Variants in XYLT1 observed in about 807,000 individuals in gnomAD.
XYLT1 encodes the protein xylosyltransferase 1.
In XYLT1, 36 loss-of-function variants were observed where a neutral mutation model predicts 91.3. That is an observed-to-expected ratio of 0.39 (90% CI 0.30 to 0.52). XYLT1 has a LOEUF of 0.52. Among genes scored for constraint, XYLT1 ranks in the 20% least tolerant of loss-of-function variants. XYLT1 has a pLI of 0.68. For synonymous variants in XYLT1, 588 were observed against 532.0 expected, an observed-to-expected ratio of 1.11 and a Z score of -1.45; for missense variants, 1,242 against 1,284.5, an observed-to-expected ratio of 0.97 and a Z score of 0.51.
At chr16:17,469,352 G>T (rs564570524) in intron 1 of XYLT1, among the ~76,000 whole-genome samples, 1 of 152,240 alleles carries the variant, frequency 6.6e-6, no homozygotes. Flanking sequence ...GTGTGATGAA[G>T]AAACAGACAG....
chr16:17,248,047 C>T (rs926226791), intron 3 of XYLT1, among the ~76,000 whole-genome samples: 1 of 152,162 alleles, frequency 6.6e-6, no homozygotes, highest in Admixed American at 6.5e-5. Context: ...GTGTCCCCAC[C>T]CAAATCTTAA....
intron 1 of XYLT1, among the ~76,000 whole-genome samples, chr16:17,366,556 G>A (rs116878209): frequency 0.033 from 5,056 of 152,220 alleles, 112 homozygotes; most frequent in Non-Finnish European, 0.049. Flanking sequence ...TTAGCTGGGC[G>A]TGTTGGTGCA....
intron 3 of XYLT1, among the ~76,000 whole-genome samples, chr16:17,200,869 T>C (rs577221639): frequency 2.0e-5 from 3 of 152,308 alleles, no homozygotes; most frequent in East Asian, 1.9e-4. Context: ...TGTTACGACA[T>C]AGTTTCCATT....
chr16:17,413,980 C>T (rs2036146913), intron 1 of XYLT1, among the ~76,000 whole-genome samples: 1 of 152,180 alleles, frequency 6.6e-6, no homozygotes, highest in South Asian at 2.1e-4. Context: ...GCCCAAAGCC[C>T]TCCTGAAATT....
intron 3 of XYLT1, among the ~76,000 whole-genome samples, chr16:17,221,506 T>C (rs1311005088): frequency 2.6e-5 from 4 of 152,178 alleles, no homozygotes; most frequent in South Asian, 2.1e-4. Flanking sequence ...ACACAGCTAG[T>C]GGCCAAGCTG....
intron 1 of XYLT1, among the ~76,000 whole-genome samples, chr16:17,411,301 C>T (rs2036104608): frequency 6.6e-6 from 1 of 152,090 alleles, no homozygotes; most frequent in Non-Finnish European, 1.5e-5. Flanking sequence ...ATTATAACCC[C>T]CTTCATGGTG....
chr16:17,302,452 T>A (rs576644057), intron 2 of XYLT1, among the ~76,000 whole-genome samples: 1 of 152,214 alleles, frequency 6.6e-6, no homozygotes, highest in Non-Finnish European at 1.5e-5. Flanking sequence ...TGGAGAAATT[T>A]CCATCTGAAC....
chr16:17,309,155 G>A (rs2034508657), intron 2 of XYLT1, among the ~76,000 whole-genome samples: 2 of 152,166 alleles, frequency 1.3e-5, no homozygotes, highest in African/African-American at 4.8e-5. Context: ...TGACACTGCT[G>A]ACATTTTGGG....
At chr16:17,271,248 C>T (rs17277691) in intron 2 of XYLT1, among the ~76,000 whole-genome samples, 38,951 of 151,998 alleles carry the variant, frequency 0.26, 5,317 homozygotes, top group Middle Eastern at 0.35. Flanking sequence ...TTAATTGCAG[C>T]ATTCCATTGC....
At chr16:17,120,099 C>T (rs1308950033) in intron 10 of XYLT1, among the ~76,000 whole-genome samples, 1 of 152,216 alleles carries the variant, frequency 6.6e-6, no homozygotes, top group Admixed American at 6.5e-5. Flanking sequence ...TTCTACTACC[C>T]TGTGGATCAG....
At chr16:17,389,271 G>A (rs1483760765) in intron 1 of XYLT1, among the ~76,000 whole-genome samples, 1 of 152,096 alleles carries the variant, frequency 6.6e-6, no homozygotes, top group Non-Finnish European at 1.5e-5. Context: ...TTAGAGATAG[G>A]GTTTCACCCT....
At chr16:17,211,091 A>C (rs1318448801) in intron 3 of XYLT1, among the ~76,000 whole-genome samples, 2 of 152,238 alleles carry the variant, frequency 1.3e-5, no homozygotes, top group Non-Finnish European at 2.9e-5. Flanking sequence ...ATGTGCTTAC[A>C]TAAAAATAAA....
At chr16:17,193,939 A>G (rs1355415153) in intron 5 of XYLT1, 1 of 152,288 alleles carries the variant, frequency 6.6e-6, no homozygotes, top group Admixed American at 6.5e-5. Flanking sequence ...GGGAGGCACC[A>G]TGGAAATGAG....
intron 1 of XYLT1, among the ~76,000 whole-genome samples, chr16:17,373,484 T>C (rs2035561254): frequency 6.6e-6 from 1 of 152,250 alleles, no homozygotes. Context: ...AAAGTTACCG[T>C]GTAGTACACG....
At chr16:17,168,088 G>C (rs72777715) in intron 5 of XYLT1, among the ~76,000 whole-genome samples, 10,996 of 152,272 alleles carry the variant, frequency 0.072, 483 homozygotes, top group Middle Eastern at 0.12. Context: ...AAGAGCAAAA[G>C]AACTGGAAAA....
At chr16:17,315,894 G>A (rs1205669486) in intron 2 of XYLT1, among the ~76,000 whole-genome samples, 1 of 152,138 alleles carries the variant, frequency 6.6e-6, no homozygotes, top group East Asian at 1.9e-4. Context: ...CCTTACCACT[G>A]CATTAAACCA....
intron 1 of XYLT1, among the ~76,000 whole-genome samples, chr16:17,449,165 G>A (rs2141948778): frequency 6.6e-6 from 1 of 152,330 alleles, no homozygotes; most frequent in South Asian, 2.1e-4. Context: ...TCCCTCTGAT[G>A]AAAGCAAGTT....
intron 2 of XYLT1, among the ~76,000 whole-genome samples, chr16:17,292,464 A>G (rs1312563663): frequency 6.6e-6 from 1 of 152,076 alleles, no homozygotes; most frequent in East Asian, 1.9e-4. Flanking sequence ...CCATCTCTGT[A>G]TTTGCTGAGC....
At chr16:17,443,866 T>C (rs1456709603) in intron 1 of XYLT1, among the ~76,000 whole-genome samples, 1 of 152,194 alleles carries the variant, frequency 6.6e-6, no homozygotes, top group Non-Finnish European at 1.5e-5. Flanking sequence ...AAGCTGATCC[T>C]TTTCCTGCTT....
Sources: allele counts gnomAD v4.1 joint callset (sites outside exome capture counted in the v4.1 genomes callset), GRCh38; gene constraint gnomAD v4.1.1; transcripts MANE v1.5; gene names NCBI Gene and HGNC (gene_info 2026-07-23, HGNC 2026-07-21).